The following CMPK1 variants were observed in gnomAD, a reference collection of about 807,000 sequenced individuals.
CMPK1 encodes the protein UMP-CMP kinase.
Under a neutral mutation model 25.7 loss-of-function variants are expected in CMPK1, and 10 were observed. The ratio of observed to expected loss-of-function variants is 0.39; its 90% CI spans 0.24 to 0.66. The LOEUF is 0.66. Ranked by LOEUF, CMPK1 falls within the 30% of genes least tolerant of loss-of-function variation. CMPK1 has a pLI of 0.48. For synonymous variants in CMPK1, 106 were observed against 101.5 expected, an observed-to-expected ratio of 1.04 and a Z score of -0.27; for missense variants, 199 against 280.5, an observed-to-expected ratio of 0.71 and a Z score of 2.08.
intron 1 of CMPK1, among the ~76,000 whole-genome samples, chr1:47,356,488 C>T (rs1570366356): frequency 6.6e-6 from 1 of 152,246 alleles, no homozygotes; most frequent in East Asian, 1.9e-4. Context: ...GCCATTCACT[C>T]ACATTTACTC....
chr1:47,357,383 G>A (rs1479253005), intron 1 of CMPK1, among the ~76,000 whole-genome samples: 1 of 151,876 alleles, frequency 6.6e-6, no homozygotes, highest in African/African-American at 2.4e-5. Context: ...CCAGCATCTG[G>A]TGAGGGCCTT....
intron 1 of CMPK1, among the ~76,000 whole-genome samples, chr1:47,343,089 C>T (rs1646453695): frequency 6.6e-6 from 1 of 150,658 alleles, no homozygotes; most frequent in African/African-American, 2.4e-5. Flanking sequence ...CGGATTCAAG[C>T]AATTCTTGTG....
chr1:47,336,448 T>C (rs534275175), intron 1 of CMPK1, among the ~76,000 whole-genome samples: 9 of 152,322 alleles, frequency 5.9e-5, no homozygotes, highest in Admixed American at 1.3e-4. Flanking sequence ...TTCTCCACTT[T>C]AAACTTCTGA....
Position 47,376,902 on chromosome 1 carries a change from T to C in CMPK1, c.*157T>C. On this transcript the variant is annotated 3_prime_UTR_variant, in exon 6 of 6. Coordinates refer to ENST00000371873, the MANE Select transcript of CMPK1 (RefSeq NM_016308.3). ...AACAAAGTAAATTTTTTTATGTTCT[T>C]TTTTTTGGTCACAGGAGTAGACAGT... 4.2e-6 allele frequency: 2 copies of C among 475,516 alleles called. No individual in the cohort carries two copies. The highest frequency in any genetic ancestry group is 7.5e-6 in the Non-Finnish European group (2 of 264,986). The allele number at this position is 475,516 out of a possible 1,614,324, so 29.5% of individuals were successfully genotyped here. A position where few individuals can be genotyped will look rare whatever the true frequency, so the allele number is the denominator to read the frequency against.
chr1:47,337,481 T>C (rs920117353), intron 1 of CMPK1, among the ~76,000 whole-genome samples: 3 of 152,210 alleles, frequency 2.0e-5, no homozygotes, highest in African/African-American at 7.2e-5. Context: ...TAAACTGTTA[T>C]CTTCTTTAAT....
chr1:47,346,103 G>A (rs1646481630), intron 1 of CMPK1, among the ~76,000 whole-genome samples: 1 of 151,858 alleles, frequency 6.6e-6, no homozygotes, highest in Non-Finnish European at 1.5e-5. Flanking sequence ...AGGCTGGAGT[G>A]CAGTGGCTCC....
At chr1:47,339,081 T>G (rs1646420712) in intron 1 of CMPK1, among the ~76,000 whole-genome samples, 1 of 150,566 alleles carries the variant, frequency 6.6e-6, no homozygotes. Flanking sequence ...GGTCTCACTC[T>G]GTTGCCCAGG....
At chr1:47,342,420 C>T (rs1646447821) in intron 1 of CMPK1, among the ~76,000 whole-genome samples, 1 of 152,012 alleles carries the variant, frequency 6.6e-6, no homozygotes, top group South Asian at 2.1e-4. Context: ...CACTCGACTG[C>T]TTCAAATGCT....
intron 1 of CMPK1, among the ~76,000 whole-genome samples, chr1:47,367,384 A>C (rs1230020095): frequency 6.6e-6 from 1 of 152,230 alleles, no homozygotes; most frequent in Non-Finnish European, 1.5e-5. Context: ...AAAAGGAGTA[A>C]AGAATATATA....
At chr1:47,369,750 T>C (rs1157999584) in intron 2 of CMPK1, among the ~76,000 whole-genome samples, 1 of 151,040 alleles carries the variant, frequency 6.6e-6, no homozygotes, top group Non-Finnish European at 1.5e-5. Flanking sequence ...TTAATAGAGA[T>C]AGGGTTTCAC....
chr1:47,346,517 T>C (rs1187403872), intron 1 of CMPK1, among the ~76,000 whole-genome samples: 1 of 152,038 alleles, frequency 6.6e-6, no homozygotes, highest in Non-Finnish European at 1.5e-5. Flanking sequence ...TTTTTTTTCT[T>C]TTTTGAGTCG....
At chr1:47,352,960 C>G (rs1207131189) in intron 1 of CMPK1, among the ~76,000 whole-genome samples, 1 of 152,120 alleles carries the variant, frequency 6.6e-6, no homozygotes, top group African/African-American at 2.4e-5. Context: ...AAAAAAATTA[C>G]TACTTTTCAA....
At chr1:47,357,418 A>G (rs1646569039) in intron 1 of CMPK1, among the ~76,000 whole-genome samples, 1 of 151,598 alleles carries the variant, frequency 6.6e-6, no homozygotes. Flanking sequence ...CCATGATGGG[A>G]GCCAAACTCA....
intron 1 of CMPK1, among the ~76,000 whole-genome samples, chr1:47,343,932 G>A (rs1646463696): frequency 6.6e-6 from 1 of 152,014 alleles, no homozygotes. Flanking sequence ...GCTGGGCCTG[G>A]TGGTGCGTGC....
chr1:47,344,283 C>T (rs11582877), intron 1 of CMPK1, among the ~76,000 whole-genome samples: 26,845 of 151,814 alleles, frequency 0.18, 2,991 homozygotes, highest in East Asian at 0.53. Context: ...TGTATGAGCT[C>T]AATTTTGAAG....
At chr1:47,343,193 G>A (rs933928395) in intron 1 of CMPK1, among the ~76,000 whole-genome samples, 6 of 150,420 alleles carry the variant, frequency 4.0e-5, no homozygotes, top group African/African-American at 1.5e-4. Context: ...CACCATGTTG[G>A]TCAGGCTGGT....
intron 5 of CMPK1, among the ~76,000 whole-genome samples, chr1:47,376,031 G>A (rs974296385): frequency 6.6e-6 from 1 of 151,986 alleles, no homozygotes; most frequent in Admixed American, 6.6e-5. Context: ...AAGAAGATAA[G>A]CCACTTCAGT....
chr1:47,341,707 C>T (rs779138388), intron 1 of CMPK1, among the ~76,000 whole-genome samples: 7 of 151,278 alleles, frequency 4.6e-5, no homozygotes, highest in East Asian at 1.9e-4. Context: ...GGTGTGATCT[C>T]GGCTCACTGC....
intron 1 of CMPK1, among the ~76,000 whole-genome samples, chr1:47,365,561 G>C (rs1216000738): frequency 6.8e-6 from 1 of 146,206 alleles, no homozygotes; most frequent in Non-Finnish European, 1.5e-5. Flanking sequence ...TTAAGCCTAG[G>C]AGGTGGAGGT....
Sources: gnomAD v4.1 joint callset for allele counts (sites outside exome capture counted in the v4.1 genomes callset) on GRCh38, gnomAD v4.1.1 for gene constraint, MANE v1.5 for transcripts, NCBI Gene and HGNC (gene_info 2026-07-23, HGNC 2026-07-21) for gene names.